The following KDR variants were observed in gnomAD, a reference collection of about 807,000 sequenced individuals.
KDR encodes the protein vascular endothelial growth factor receptor 2.
A neutral mutation model predicts 160.9 loss-of-function variants in KDR; 43 were observed. That is an observed-to-expected ratio of 0.27 (90% CI 0.21 to 0.34). KDR has a LOEUF of 0.34. Among genes scored for constraint, KDR ranks in the 10% least tolerant of loss-of-function variants. The probability of loss-of-function intolerance (pLI) is 1.00; values close to 1 mark genes in which losing one functional copy is unlikely to be tolerated. For synonymous variants in KDR, 617 were observed against 600.1 expected (o/e 1.03, Z -0.41); for missense variants, 1,469 against 1,666.4 (o/e 0.88, Z 2.06).
intron 20 of KDR, 127 bp downstream of exon 20, chr4:55,095,450 C>T: frequency 1.4e-6 from 1 of 723,424 alleles, no homozygotes; most frequent in Non-Finnish European, 2.5e-6. Flanking sequence ...TTACAACAGC[C>T]AAGAGGTAAT....
chr4:55,118,479 T>C, intron 3 of KDR, 125 bp downstream of exon 3: 2 of 751,426 alleles, frequency 2.7e-6, no homozygotes, highest in Non-Finnish European at 4.7e-6. Flanking sequence ...AGAAGAATTG[T>C]GTGTATTCCT....
intron 22 of KDR, among the ~76,000 whole-genome samples, chr4:55,092,080 G>A (rs1720032263): frequency 6.6e-6 from 1 of 152,138 alleles, no homozygotes. Flanking sequence ...GTAAGGCTCA[G>A]CCCCTCCCCT....
At chr4:55,082,662 T>TA (rs1230311770) in intron 27 of KDR, 27 bp from the exon 28 acceptor site, 1 of 1,567,872 alleles carries the variant, frequency 6.4e-7, no homozygotes, top group African/African-American at 1.4e-5. Context: ...ATTTATATTT[T>TA]AGTGGTGGTA....
intron 22 of KDR, 124 bp downstream of exon 22, chr4:55,092,493 C>T: frequency 1.3e-6 from 1 of 755,396 alleles, no homozygotes; most frequent in Non-Finnish European, 2.4e-6. Context: ...TAGAGCTCTT[C>T]TAAAAGACGT....
chr4:55,120,835 G>T (rs2054246), intron 2 of KDR, among the ~76,000 whole-genome samples: 127,720 of 150,744 alleles, frequency 0.85, 53,774 homozygotes, highest in Middle Eastern at 0.92. Context: ...TGTGGGTGTG[G>T]GTGTGTATTT....
chr4:55,090,039 A>G lies in KDR; in HGVS notation c.3109T>C (p.Ser1037Pro), dbSNP rs1719968714. The change falls in exon 23 of 30, where the codon TCG (serine) becomes CCG (proline). Residue 1037 changes from serine (S) to proline (P), a missense_variant. Ser to Pro is a moderately conservative substitution (Grantham distance 74, BLOSUM62 -1). Coordinates refer to ENST00000263923, the MANE Select transcript of KDR (RefSeq NM_002253.4). ...RDLAARNILL[S>P]EKNVVKICDF... The stretch of plus-strand genomic sequence containing the variant: ...CAGATTTTAACCACGTTCTTCTCCG[A>G]TAAGAGGATATTTCGTGCCGCCAGG... The G allele has an allele frequency of 6.2e-7, 1 of 1,614,118 alleles. No homozygotes were observed. The highest frequency in any genetic ancestry group is 8.5e-7 in the Non-Finnish European group (1 of 1,179,960).
chr4:55,118,963 C>A (rs1344730346), intron 2 of KDR, among the ~76,000 whole-genome samples, 163 bp from the exon 3 acceptor site: 1 of 152,216 alleles, frequency 6.6e-6, no homozygotes, highest in African/African-American at 2.4e-5. Context: ...AATCCCAGCA[C>A]TTTGGGAGGC....
At chr4:55,108,908 C>T (rs1351404508) in intron 9 of KDR, among the ~76,000 whole-genome samples, 1 of 152,074 alleles carries the variant, frequency 6.6e-6, no homozygotes, top group Non-Finnish European at 1.5e-5. Context: ...AGAGAATTTG[C>T]TAAAGTGAAT....
Position 55,101,934 on chromosome 4 carries a change from A to G in KDR, c.2229T>C (p.Leu743=). The G allele has an allele frequency of 6.2e-7, 1 of 1,613,602 alleles. No homozygotes were observed. Among genetic ancestry groups the G allele is most frequent in the South Asian group, 1.1e-5 (1 of 91,066 alleles). ...AAAATGCCTCCACTTTTGCACAGCC[A>G]AGAACACTGCATGCCTGGCAGGTGT... is the stretch of plus-strand genomic sequence containing the variant. The part of the protein sequence containing the change: ...GLYTCQACSV[L]GCAKVEAFFI... Residue 743 remains leucine, a synonymous_variant, in exon 15 of 30, where the codon CTT becomes CTC. Coordinates refer to ENST00000263923, the MANE Select transcript of KDR (RefSeq NM_002253.4).
intron 3 of KDR, among the ~76,000 whole-genome samples, chr4:55,117,178 TAAAC>T (rs747359470): frequency 4.6e-5 from 7 of 152,046 alleles, no homozygotes; most frequent in Non-Finnish European, 7.4e-5. Context: ...AAAAAGGAAA[TAAAC>T]AAAAGAAACC....
chr4:55,121,795 C>A (rs1482749930), intron 1 of KDR, among the ~76,000 whole-genome samples: 1 of 152,106 alleles, frequency 6.6e-6, no homozygotes, highest in Admixed American at 6.6e-5. Flanking sequence ...GAAAACATTC[C>A]CCAATTCCAC....
intron 21 of KDR, 152 bp downstream of exon 21, chr4:55,094,650 G>T: frequency 2.5e-6 from 2 of 810,126 alleles, no homozygotes; most frequent in Non-Finnish European, 4.3e-6. Context: ...TGGGGAGACA[G>T]AATGGAGGCA....
At chr4:55,119,452 A>G (rs898003421) in intron 2 of KDR, among the ~76,000 whole-genome samples, 1 of 152,250 alleles carries the variant, frequency 6.6e-6, no homozygotes, top group African/African-American at 2.4e-5. Flanking sequence ...ACTGGAGAAA[A>G]CAGGCAATTA....
chr4:55,088,944 C>A lies in KDR; in HGVS notation c.3434G>T (p.Gly1145Val), dbSNP rs2110010277. 6.2e-7 allele frequency: 1 copy of A among 1,613,992 alleles called. No individual in the cohort carries two copies. Among genetic ancestry groups the A allele is most frequent in the African/African-American group, 1.3e-5 (1 of 75,012 alleles). The change falls in exon 26 of 30, where the codon GGG becomes GTG. Residue 1145 changes from glycine (G) to valine (V), a missense_variant. Physicochemically the swap from Gly to Val is moderately radical, Grantham distance 109. This residue lies in a region of KDR where 132 missense variants were observed against 195.9 expected (regional missense o/e 0.67). Transcript: ENST00000263923. Reference sequence around the variant, plus strand: ...AAACGTGGGTCTCTGACTGGGCTCCCCGTGCCAGCAGTCCAGCATGGTCTG... The same window carrying A: ...AAACGTGGGTCTCTGACTGGGCTCCACGTGCCAGCAGTCCAGCATGGTCTG... Reference protein sequence around the residue: ...MYQTMLDCWHGEPSQRPTFSE... With the variant: ...MYQTMLDCWHVEPSQRPTFSE...
At chr4:55,085,352 A>G (rs1164080609) in intron 27 of KDR, among the ~76,000 whole-genome samples, 1 of 152,224 alleles carries the variant, frequency 6.6e-6, no homozygotes, top group Non-Finnish European at 1.5e-5. Context: ...AGGGGCAACA[A>G]ATCATGAAGC....
chr4:55,121,126 C>A lies in KDR; in HGVS notation c.132G>T (p.Lys44Asn). The change falls in exon 2 of 30, where the codon AAG (lysine) becomes AAT (asparagine). Residue 44 changes from lysine to asparagine, a missense_variant. Lys to Asn is a moderately conservative substitution (Grantham distance 94). Around this residue, in one of 7 missense-constraint regions of KDR, gnomAD observed 792 missense variants for 840.9 expected, o/e 0.94. Transcript: ENST00000263923. ...LSIQKDILTI[K>N]ANTTLQITCR... ...AAGTAATTTGAAGAGTTGTATTAGC[C>A]TTAATTGTAAGTATGTCTTTTTGTA... 1.2e-6 allele frequency: 2 copies of A among 1,613,312 alleles called. No homozygotes were observed. The highest frequency in any genetic ancestry group is 1.7e-6 in the Non-Finnish European group (2 of 1,179,378).
chr4:55,116,714 C>A (rs1281704541), intron 3 of KDR, among the ~76,000 whole-genome samples: 1 of 152,158 alleles, frequency 6.6e-6, no homozygotes, highest in East Asian at 1.9e-4. Context: ...AGCTGGAAAG[C>A]ACAGAAAAGC....
rs1163870470 is a variant in KDR at position 55,079,961 on chromosome 4, G to T, written c.4051C>A (p.Leu1351Met). The T allele has an allele frequency of 6.2e-7, 1 of 1,614,138 alleles. No homozygotes were observed. Among genetic ancestry groups the T allele is most frequent in the East Asian group, 2.2e-5 (1 of 44,884 alleles). The change falls in exon 30 of 30, where the codon CTG (leucine) becomes ATG (methionine). Residue 1351 changes from leucine to methionine, a missense_variant. Around this residue, in one of 7 missense-constraint regions of KDR, gnomAD observed 229 missense variants for 197.8 expected, o/e 1.16. Coordinates refer to ENST00000263923, the MANE Select transcript of KDR (RefSeq NM_002253.4). ...TCCTTTTAAACAGGAGGAGAGCTCA[G>T]TGTGGTCCCCGAGTCAGGCTGGAGA... is the stretch of plus-strand genomic sequence containing the variant. The part of the protein sequence containing the change: ...QILQPDSGTT[L>M]SSPPV
At chr4:55,105,136 A>G (rs1720413497) in intron 12 of KDR, 152 bp from the exon 13 acceptor site, 2 of 681,802 alleles carry the variant, frequency 2.9e-6, no homozygotes, top group African/African-American at 3.6e-5. Context: ...CAAACTAGAC[A>G]ATTCAGGTCC....
Sources: gnomAD v4.1 joint callset for allele counts (sites outside exome capture counted in the v4.1 genomes callset) on GRCh38, gnomAD v4.1.1 for gene constraint, gnomAD v4.1.1 regional missense constraint, MANE v1.5 for transcripts, NCBI Gene and HGNC (gene_info 2026-07-23, HGNC 2026-07-21) for gene names.